BPTF: variants seen among roughly 807,000 people sequenced by gnomAD.
BPTF encodes nucleosome-remodeling factor subunit BPTF.
Under a neutral mutation model 292.5 loss-of-function variants are expected in BPTF, and 18 were observed. The observed-to-expected ratio is 0.06, with a 90% CI of 0.04 to 0.09. The LOEUF is 0.09. Ranked by LOEUF, BPTF falls within the 10% of genes least tolerant of loss-of-function variation. BPTF has a pLI of 1.00. For synonymous variants in BPTF, 1,225 were observed against 1,251.9 expected (o/e 0.98, Z 0.45); for missense variants, 2,726 against 3,498.7 (o/e 0.78, Z 5.57).
intron 23 of BPTF, among the ~76,000 whole-genome samples, chr17:67,954,220 G>C (rs546450509): frequency 1.1e-4 from 16 of 151,436 alleles, no homozygotes; most frequent in South Asian, 2.1e-4. Flanking sequence ...GTAGAGACAA[G>C]TTTTTGCCAT....
At chr17:67,873,363 C>T (rs1204632226) in intron 3 of BPTF, among the ~76,000 whole-genome samples, 2 of 150,128 alleles carry the variant, frequency 1.3e-5, no homozygotes, top group Non-Finnish European at 3.0e-5. Flanking sequence ...GAGGCTGGGG[C>T]AGGAGAATTG....
intron 5 of BPTF, 74 bp downstream of exon 5, chr17:67,892,108 G>T: frequency 2.6e-6 from 3 of 1,176,430 alleles, no homozygotes; most frequent in Non-Finnish European, 2.3e-6. Context: ...TAAAAATAGG[G>T]GCTGGAAATT....
intron 1 of BPTF, among the ~76,000 whole-genome samples, chr17:67,826,584 C>CA (rs886176923): frequency 6.8e-6 from 1 of 147,084 alleles, no homozygotes; most frequent in Non-Finnish European, 1.5e-5. Context: ...TCTCTCTCCC[C>CA]CCCCCAACCC....
intron 26 of BPTF, among the ~76,000 whole-genome samples, chr17:67,972,603 G>A (rs1252285035): frequency 1.3e-5 from 2 of 152,010 alleles, no homozygotes; most frequent in Non-Finnish European, 2.9e-5. Flanking sequence ...TTTGGCATAT[G>A]GTAGTTTTTA....
chr17:67,833,461 T>C (rs1175816165), intron 1 of BPTF, among the ~76,000 whole-genome samples: 1 of 151,892 alleles, frequency 6.6e-6, no homozygotes, highest in Non-Finnish European at 1.5e-5. Context: ...TTAGGAATAA[T>C]GCTGCTGAGC....
chr17:67,945,918 C>CT lies in BPTF; in HGVS notation c.7213dup (p.Ser2405PhefsTer118). 6.2e-7 allele frequency: 1 copy of CT among 1,614,186 alleles called. No individual in the cohort carries two copies. Among genetic ancestry groups the CT allele is most frequent in the Non-Finnish European group, 8.5e-7 (1 of 1,180,040 alleles). On this transcript the variant is annotated frameshift_variant, in exon 21 of 28. Transcript: ENST00000306378. LOFTEE classifies it high-confidence loss of function. ...CCAGGTACAGTCTTCAACTCAAACT[C>CT]TTTCATCAGGACAAACTTTAAATCA...
intron 3 of BPTF, 96 bp from the exon 4 acceptor site, chr17:67,874,721 T>C: frequency 1.3e-6 from 1 of 774,992 alleles, no homozygotes; most frequent in Non-Finnish European, 2.1e-6. Flanking sequence ...TTTTCCTCTT[T>C]AATAGCTTGT....
In BPTF at chr17:67,975,488, C is replaced by A. The variant is rs551453438; in HGVS notation, c.8540-284C>A. 1.1e-4 allele frequency: 32 copies of A among 292,260 alleles called. 1 individual carries two copies. Among genetic ancestry groups the A allele is most frequent in the African/African-American group, 6.8e-4 (31 of 45,880 alleles). 18.1% of individuals were successfully genotyped at this position (292,260 alleles called of 1,614,324 possible). On this transcript the variant is annotated intron_variant, in intron 26 of 27. Transcript: ENST00000306378. The stretch of plus-strand genomic sequence containing the variant: ...ATGCATAGAGCATGTCGGTGTGTTT[C>A]CTTGATTTCAAACCATTTGAATGAA...
At chr17:67,905,304 A>G (rs772103761) in intron 9 of BPTF, among the ~76,000 whole-genome samples, 54 of 151,984 alleles carry the variant, frequency 3.6e-4, no homozygotes, top group Non-Finnish European at 5.9e-4. Context: ...GCTACTGAGG[A>G]GGCTGAGGCA....
At chr17:67,835,475 C>T (rs891972055) in intron 1 of BPTF, among the ~76,000 whole-genome samples, 2 of 152,208 alleles carry the variant, frequency 1.3e-5, no homozygotes, top group Admixed American at 6.5e-5. Flanking sequence ...AGCCCCAGCA[C>T]TCTGGCTGAG....
At position 67,907,100 on chromosome 17, in the gene BPTF, G is replaced by A. The variant is rs150709696; in HGVS notation, c.2812+2260G>A. Among the ~76,000 whole-genome samples, 550 of 150,014 alleles carry A rather than the reference G, an allele frequency of 3.7e-3. 3 individuals are homozygous for A. The highest frequency in any genetic ancestry group is 0.01 in the African/African-American group (421 of 40,912). The stretch of plus-strand genomic sequence containing the variant: ...CTCAGGAGGCTGATGAGGGAGGATC[G>A]TTTGAGCCCAGGAGTTCAAGGCTGC... On this transcript the variant is annotated intron_variant, in intron 9 of 27. Transcript: ENST00000306378.
rs536321476 is a variant in BPTF at position 67,929,737 on chromosome 17, A to G, written c.6150+250A>G. On this transcript the variant is annotated intron_variant, in intron 17 of 27. Transcript: ENST00000306378. ...AATAATAATTGCTTTCTAGGATTTT[A>G]TAAAGAAAATTTCTTTATGTAAAAC... 3.3e-5 allele frequency among the ~76,000 whole-genome samples: 5 copies of G among 152,348 alleles called. No homozygotes were observed. In the South Asian group the frequency reaches 8.3e-4, roughly 25 times the overall value.
chr17:67,966,287 C>G lies in BPTF; in HGVS notation c.8455-285C>G, dbSNP rs139200231. 49 of 307,854 alleles carry G rather than the reference C, an allele frequency of 1.6e-4. 2 individuals carry two copies. In the East Asian group the frequency reaches 3.8e-3, roughly 24 times the overall value. The allele number at this position is 307,854 out of a possible 1,614,324, so 19.1% of individuals were successfully genotyped here. The stretch of plus-strand genomic sequence containing the variant: ...AGAAGCGATTGCAATGCCAGCATCA[C>G]TCAGTGACGGCTCATCATGTAGGGC... On this transcript the variant is annotated intron_variant, in intron 25 of 27. Coordinates refer to ENST00000306378, the MANE Select transcript of BPTF (RefSeq NM_182641.4).
At chr17:67,833,027 G>A (rs1180796318) in intron 1 of BPTF, among the ~76,000 whole-genome samples, 2 of 150,874 alleles carry the variant, frequency 1.3e-5, no homozygotes, top group African/African-American at 4.9e-5. Flanking sequence ...TCGAACTCCT[G>A]ATCTTGTAAT....
intron 4 of BPTF, among the ~76,000 whole-genome samples, chr17:67,884,896 AC>A (rs2060653237): frequency 6.6e-6 from 1 of 151,966 alleles, no homozygotes; most frequent in Admixed American, 6.5e-5. Flanking sequence ...GTATTGTGAG[AC>A]TTGGATTTTT....
intron 23 of BPTF, 104 bp from the exon 24 acceptor site, chr17:67,959,437 T>G (rs2067256192): frequency 3.4e-6 from 3 of 894,312 alleles, no homozygotes; most frequent in African/African-American, 3.4e-5. Flanking sequence ...TAGGCTGAAC[T>G]GTGGAGCTAC....
rs963083750 is a variant in BPTF at position 67,894,168 on chromosome 17, A to G, written c.2543+3A>G. On this transcript the variant is annotated splice_donor_region_variant and intron_variant, in intron 7 of 27. Coordinates refer to ENST00000306378, the MANE Select transcript of BPTF (RefSeq NM_182641.4). The stretch of plus-strand genomic sequence containing the variant: ...CGAGAATCTTTAGGACATACCAGGT[A>G]AATGAATTCTGAGCCTTGTAAATGA... The G allele has an allele frequency of 2.5e-6, 4 of 1,613,566 alleles. No individual in the cohort carries two copies. The highest frequency in any genetic ancestry group is 3.4e-6 in the Non-Finnish European group (4 of 1,179,626).
intron 8 of BPTF, among the ~76,000 whole-genome samples, chr17:67,904,343 G>A (rs1178258766): frequency 1.3e-5 from 2 of 152,084 alleles, no homozygotes; most frequent in African/African-American, 4.8e-5. Context: ...TTTTGACATA[G>A]TCTTTTAATT....
chr17:67,935,977 G>C (rs944920631), intron 18 of BPTF, among the ~76,000 whole-genome samples: 5 of 152,112 alleles, frequency 3.3e-5, no homozygotes, highest in African/African-American at 1.2e-4. Flanking sequence ...CTTATAAATT[G>C]AATGTCTCAA....
Sources: allele counts gnomAD v4.1 joint callset (sites outside exome capture counted in the v4.1 genomes callset), GRCh38; gene constraint gnomAD v4.1.1; transcripts MANE v1.5; gene names NCBI Gene and HGNC (gene_info 2026-07-23, HGNC 2026-07-21).